The following SCLT1 variants were observed in gnomAD, a reference collection of about 807,000 sequenced individuals.
SCLT1 encodes the protein sodium channel-associated protein 1.
SCLT1 carries 78 observed loss-of-function variants against 112.8 expected under a neutral mutation model. That is an observed-to-expected ratio of 0.69 (90% confidence interval 0.58 to 0.83). The LOEUF (loss-of-function observed/expected upper bound fraction) is 0.83. Among genes scored for constraint, SCLT1 ranks in the 40% least tolerant of loss-of-function variants. SCLT1 has a pLI of 0.00. For missense variants in SCLT1, 747 were observed against 770.4 expected, an observed-to-expected ratio of 0.97 and a Z score of 0.36; for synonymous variants, 257 against 254.7, an observed-to-expected ratio of 1.01 and a Z score of -0.09.
chr4:128,987,612 G>C (rs1742211515), intron 9 of SCLT1, among the ~76,000 whole-genome samples: 1 of 152,062 alleles, frequency 6.6e-6, no homozygotes, highest in Non-Finnish European at 1.5e-5. Context: ...AAGAATCCAT[G>C]AGCTTGGAGA....
intron 2 of SCLT1, among the ~76,000 whole-genome samples, chr4:129,046,614 A>G (rs1748205974): frequency 6.6e-6 from 1 of 152,096 alleles, no homozygotes; most frequent in Non-Finnish European, 1.5e-5. Flanking sequence ...TCATTATTTG[A>G]CTATTATAAA....
At chr4:128,897,236 T>C (rs1224429888) in intron 18 of SCLT1, among the ~76,000 whole-genome samples, 2 of 151,726 alleles carry the variant, frequency 1.3e-5, no homozygotes, top group African/African-American at 2.4e-5. Context: ...TTCACCAAAG[T>C]TGAAATGAAG....
intron 5 of SCLT1, among the ~76,000 whole-genome samples, chr4:129,007,646 A>C (rs1257778074): frequency 3.9e-5 from 6 of 152,140 alleles, no homozygotes; most frequent in Admixed American, 3.9e-4. Flanking sequence ...CTTGGTTAAA[A>C]GCATGTAATT....
chr4:129,085,456 G>A (rs530649423), intron 1 of SCLT1, among the ~76,000 whole-genome samples: 6 of 152,272 alleles, frequency 3.9e-5, no homozygotes, highest in Non-Finnish European at 5.9e-5. Flanking sequence ...ACAGTGTGGC[G>A]ATTCCTCAAA....
At chr4:128,911,662 C>T (rs1009108628) in intron 18 of SCLT1, among the ~76,000 whole-genome samples, 12 of 152,166 alleles carry the variant, frequency 7.9e-5, no homozygotes, top group Admixed American at 6.5e-5. Flanking sequence ...TTTTAAAAAT[C>T]ACAGGTACTG....
chr4:128,960,955 T>C (rs988476092), intron 11 of SCLT1, among the ~76,000 whole-genome samples: 1 of 144,038 alleles, frequency 6.9e-6, no homozygotes, highest in African/African-American at 2.5e-5. Context: ...AAAAGAACTC[T>C]AAATTATAAA....
At chr4:128,883,154 CAACAA>C (rs1732682708), downstream of SCLT1, among the ~76,000 whole-genome samples, 1 of 37,478 alleles carries the variant, frequency 2.7e-5, no homozygotes, top group African/African-American at 7.8e-5. Flanking sequence ...ACAACAACAA[CAACAA>C]AAAAAAAAAA....
intron 2 of SCLT1, among the ~76,000 whole-genome samples, chr4:129,060,357 A>C (rs748254726): frequency 6.6e-5 from 10 of 152,094 alleles, no homozygotes; most frequent in Non-Finnish European, 1.5e-4. Context: ...CTTTTACTAA[A>C]GACTTGTGTT....
chr4:129,075,647 A>T (rs2125762195), intron 2 of SCLT1, among the ~76,000 whole-genome samples: 1 of 152,320 alleles, frequency 6.6e-6, no homozygotes, highest in East Asian at 1.9e-4. Context: ...AGTGGTCAAA[A>T]GCCCCATGTA....
At chr4:128,913,148 G>A (rs567819772) in intron 18 of SCLT1, among the ~76,000 whole-genome samples, 122 of 152,248 alleles carry the variant, frequency 8.0e-4, no homozygotes, top group Non-Finnish European at 1.5e-3. Flanking sequence ...ATGTTGCTAC[G>A]TTCGGCATTC....
intron 18 of SCLT1, among the ~76,000 whole-genome samples, chr4:128,905,865 T>C (rs1190269686): frequency 6.6e-6 from 1 of 152,128 alleles, no homozygotes; most frequent in Non-Finnish European, 1.5e-5. Flanking sequence ...ATTCCAGTAA[T>C]GTATCACATG....
intron 18 of SCLT1, among the ~76,000 whole-genome samples, chr4:128,935,967 C>A (rs927553382): frequency 2.6e-5 from 4 of 152,224 alleles, no homozygotes; most frequent in Admixed American, 2.0e-4. Flanking sequence ...ATCTTTTGGG[C>A]AGCTCATACT....
At chr4:129,076,440 T>C (rs1751471350) in intron 2 of SCLT1, among the ~76,000 whole-genome samples, 2 of 152,164 alleles carry the variant, frequency 1.3e-5, no homozygotes, top group African/African-American at 4.8e-5. Flanking sequence ...CAATATTTAT[T>C]TGTTTTAATT....
intron 4 of SCLT1, among the ~76,000 whole-genome samples, chr4:129,043,008 G>C (rs746671643): frequency 1.5e-4 from 23 of 152,080 alleles, no homozygotes; most frequent in Non-Finnish European, 2.9e-4. Context: ...GGGAGTCAGA[G>C]GTTGCAGAGA....
intron 5 of SCLT1, chr4:128,874,073 A>AAGAC (rs1732395477): frequency 1.3e-5 from 2 of 152,656 alleles, no homozygotes; most frequent in Non-Finnish European, 2.9e-5. Flanking sequence ...CTCATTTTGA[A>AAGAC]AGACTGCTGT....
At chr4:129,017,399 T>C (rs1745087014) in intron 5 of SCLT1, among the ~76,000 whole-genome samples, 1 of 152,194 alleles carries the variant, frequency 6.6e-6, no homozygotes, top group Non-Finnish European at 1.5e-5. Context: ...TCTTGTTTTC[T>C]TTTAAATATA....
chr4:129,072,397 T>C (rs1404705140), intron 2 of SCLT1, among the ~76,000 whole-genome samples: 1 of 152,106 alleles, frequency 6.6e-6, no homozygotes, highest in East Asian at 1.9e-4. Context: ...CCCCCAAATA[T>C]TTCCAAGCTT....
In SCLT1 at chr4:129,039,931, CAA is replaced by C. The variant is rs199900977; in HGVS notation, c.235-837_235-836del. ...ACACACACACACACACACACACACACAAAACCCTGAATTTACATGTAAAAGCA... is the reference window on the plus strand; with the variant it reads ...ACACACACACACACACACACACACACAACCCTGAATTTACATGTAAAAGCA... On this transcript the variant is annotated intron_variant, in intron 4 of 20. Transcript: ENST00000281142. The C allele has an allele frequency of 9.2e-4, 376 of 408,802 alleles. 2 individuals are homozygous for C. The highest frequency in any genetic ancestry group is 7.0e-3 in the African/African-American group (316 of 45,108). The allele number at this position is 408,802 out of a possible 1,614,324, so 25.3% of individuals were successfully genotyped here.
At chr4:128,960,721 C>G (rs1217410385) in intron 11 of SCLT1, among the ~76,000 whole-genome samples, 1 of 150,956 alleles carries the variant, frequency 6.6e-6, no homozygotes, top group Non-Finnish European at 1.5e-5. Context: ...GAGATCGAGA[C>G]CATCCTGGCT....
Sources: allele counts gnomAD v4.1 joint callset (sites outside exome capture counted in the v4.1 genomes callset), GRCh38; gene constraint gnomAD v4.1.1; transcripts MANE v1.5; gene names NCBI Gene and HGNC (gene_info 2026-07-23, HGNC 2026-07-21).